The following TAB1 variants were observed in gnomAD, a reference collection of about 807,000 sequenced individuals.
The protein encoded by TAB1 is TGF-beta-activated kinase 1 and MAP3K7-binding protein 1.
In TAB1, 30 loss-of-function variants were observed where a neutral mutation model predicts 54.5. The ratio of observed to expected loss-of-function variants is 0.55; its 90% CI spans 0.41 to 0.75. TAB1 has a LOEUF of 0.75. TAB1 is among the 30% of genes least tolerant of loss of function. The pLI, the probability that TAB1 is intolerant of heterozygous loss-of-function variation, is 0.00. For missense variants in TAB1, 609 were observed against 683.2 expected, an observed-to-expected ratio of 0.89 and a Z score of 1.21; for synonymous variants, 289 against 286.9, an observed-to-expected ratio of 1.01 and a Z score of -0.07.
At chr22:39,405,158 TTG>T (rs549311664) in intron 1 of TAB1, among the ~76,000 whole-genome samples, 2 of 152,140 alleles carry the variant, frequency 1.3e-5, no homozygotes, top group South Asian at 4.1e-4. Flanking sequence ...GCCCAGGACT[TTG>T]AGATGAGTCT....
At chr22:39,425,846 A>G (rs1927307477) in intron 8 of TAB1, among the ~76,000 whole-genome samples, 1 of 151,540 alleles carries the variant, frequency 6.6e-6, no homozygotes, top group Non-Finnish European at 1.5e-5. Flanking sequence ...ACGCCCGGCC[A>G]AATGCTTTTT....
chr22:39,435,304 T>C (rs1927741530), downstream of TAB1, among the ~76,000 whole-genome samples: 1 of 152,176 alleles, frequency 6.6e-6, no homozygotes, highest in Non-Finnish European at 1.5e-5. Flanking sequence ...GGAAGAGCTG[T>C]GTCAATCCTG....
At position 39,426,720 on chromosome 22, in the gene TAB1, T is replaced by G. The variant is rs1927359408; in HGVS notation, c.939T>G (p.Ile313Met). The G allele has an allele frequency of 6.2e-7, 1 of 1,603,292 alleles. No homozygotes were observed. Among genetic ancestry groups the G allele is most frequent in the African/African-American group, 1.3e-5 (1 of 74,752 alleles). Residue 313 changes from isoleucine (I) to methionine (M), a missense_variant, in exon 9 of 11, where the codon ATT (isoleucine) becomes ATG (methionine). Ile to Met is a conservative substitution (Grantham distance 10, BLOSUM62 1). Coordinates refer to ENST00000216160, the MANE Select transcript of TAB1 (RefSeq NM_006116.3). ...GQANQEIAAMIDTEFAKQTSL... is the reference protein window; with the variant it reads ...GQANQEIAAMMDTEFAKQTSL... Reference sequence around the variant, plus strand: ...TCCCCCAGGAGATTGCTGCGATGATTGACACTGAGTTTGCCAAGCAGACCT... The same window carrying G: ...TCCCCCAGGAGATTGCTGCGATGATGGACACTGAGTTTGCCAAGCAGACCT...
At chr22:39,424,812 A>C (rs1372996888) in intron 8 of TAB1, among the ~76,000 whole-genome samples, 1 of 152,098 alleles carries the variant, frequency 6.6e-6, no homozygotes, top group African/African-American at 2.4e-5. Flanking sequence ...TATAACATAG[A>C]GGGACAGGGG....
chr22:39,401,993 G>C (rs993611161), intron 1 of TAB1, among the ~76,000 whole-genome samples: 1 of 152,176 alleles, frequency 6.6e-6, no homozygotes, highest in East Asian at 1.9e-4. Flanking sequence ...AGATCAGCTT[G>C]GGAGGAGCAT....
chr22:39,431,502 A>C lies in TAB1; in HGVS notation c.*1280A>C. On this transcript the variant is annotated 3_prime_UTR_variant, in exon 11 of 11. Transcript: ENST00000216160. ...CCCCCATGCCCCAGACCGGCCCACC[A>C]GGGACTAGCCGCTGTCGCACAGCCT... 1.0e-6 allele frequency: 1 copy of C among 985,558 alleles called. No homozygotes were observed. The highest frequency in any genetic ancestry group is 1.7e-5 in the African/African-American group (1 of 57,352). 61.1% of individuals were successfully genotyped at this position (985,558 alleles called of 1,614,324 possible).
downstream of TAB1, chr22:39,433,754 A>G: frequency 1.0e-6 from 1 of 984,302 alleles, no homozygotes; most frequent in Non-Finnish European, 1.2e-6. Flanking sequence ...GTCTGGAGCG[A>G]CTCCAGGCTG....
intron 1 of TAB1, among the ~76,000 whole-genome samples, chr22:39,406,444 T>G (rs1926369395): frequency 6.6e-6 from 1 of 150,582 alleles, no homozygotes; most frequent in Non-Finnish European, 1.5e-5. Context: ...AAAGATAGTT[T>G]CTTGAAGATG....
At chr22:39,417,497 T>C (rs1260592094) in intron 4 of TAB1, among the ~76,000 whole-genome samples, 1 of 152,004 alleles carries the variant, frequency 6.6e-6, no homozygotes, top group African/African-American at 2.4e-5. Flanking sequence ...GTGGGCGCCT[T>C]GTAGTCCCAG....
intron 1 of TAB1, among the ~76,000 whole-genome samples, chr22:39,409,775 C>A (rs1926531183): frequency 6.6e-6 from 1 of 152,164 alleles, no homozygotes; most frequent in Non-Finnish European, 1.5e-5. Flanking sequence ...GGTGTGTTTT[C>A]TTCCTAGCAC....
At chr22:39,429,542 A>G (rs906074004) in intron 10 of TAB1, 2 of 322,600 alleles carry the variant, frequency 6.2e-6, no homozygotes, top group Non-Finnish European at 8.9e-6. Context: ...CAATGGCAAA[A>G]TCTTGGCCCA....
chr22:39,401,967 C>A (rs1179170153), intron 1 of TAB1, among the ~76,000 whole-genome samples: 2 of 152,204 alleles, frequency 1.3e-5, no homozygotes, highest in East Asian at 3.8e-4. Context: ...GTGGTGCCCA[C>A]CCTCACTGCG....
At chr22:39,433,738 G>A (rs1218911747), downstream of TAB1, 13 of 985,314 alleles carry the variant, frequency 1.3e-5, no homozygotes, top group East Asian at 1.1e-4. Context: ...GGGGGCAGCC[G>A]GGCCTGTCTG....
chr22:39,415,600 G>C lies in TAB1; in HGVS notation c.271G>C (p.Gly91Arg), dbSNP rs979966717. ...GCGGCTGTCCGCAGAGCTCCTGCTG[G>C]GCCAGCTGAATGCCGAGCACGCCGA... ...AQRLSAELLL[G>R]QLNAEHAEAD... is the part of the protein sequence containing the mutation. Residue 91 changes from glycine to arginine, a missense_variant, in exon 3 of 11, where the codon GGC (glycine) becomes CGC (arginine). Coordinates refer to ENST00000216160, the MANE Select transcript of TAB1 (RefSeq NM_006116.3). The surrounding 1 kb of genome is among the most constrained non-coding windows in gnomAD (Gnocchi z 4.9). The C allele has an allele frequency of 6.2e-7, 1 of 1,613,970 alleles. No individual in the cohort carries two copies. The highest frequency in any genetic ancestry group is 8.5e-7 in the Non-Finnish European group (1 of 1,179,992).
intron 5 of TAB1, 39 bp from the exon 6 acceptor site, chr22:39,418,691 CTG>C (rs755175536): frequency 1.4e-6 from 2 of 1,429,754 alleles, no homozygotes; most frequent in Non-Finnish European, 2.0e-6. Flanking sequence ...CTATTTCTCT[CTG>C]TGTGTAGTCT....
chr22:39,408,033 T>G (rs772108715), intron 1 of TAB1, among the ~76,000 whole-genome samples: 5 of 152,172 alleles, frequency 3.3e-5, no homozygotes, highest in Non-Finnish European at 5.9e-5. Flanking sequence ...TTTTCTGGAG[T>G]GTTTTTACCA....
chr22:39,417,279 T>C (rs944573123), intron 4 of TAB1, among the ~76,000 whole-genome samples: 5 of 152,232 alleles, frequency 3.3e-5, no homozygotes, highest in African/African-American at 9.6e-5. Context: ...GGCTGTGCCA[T>C]GGACCATCTG....
Position 39,410,498 on chromosome 22 carries a change from CTT to C in TAB1, c.34-4495_34-4494del, listed in dbSNP as rs34664960. Among the ~76,000 whole-genome samples the C allele has an allele frequency of 1.4e-3, 199 of 145,574 alleles. 1 individual carries two copies. Among genetic ancestry groups the C allele is most frequent in the Middle Eastern group, 0.01 (3 of 286 alleles). ...CTGAGCAGAATTGTTGCCATTTCTA[CTT>C]TTTTTTTTTTTTAATTTAGTTGTGA... On this transcript the variant is annotated intron_variant, in intron 1 of 10. Coordinates refer to ENST00000216160, the MANE Select transcript of TAB1 (RefSeq NM_006116.3).
chr22:39,430,454 C>G lies in TAB1; in HGVS notation c.*232C>G. Reference sequence around the variant, plus strand: ...AAGGCCACTTCCTCCCAGATGGCCTCAGCCAGGACCATCGCCCTTTCTCAG... The same window carrying G: ...AAGGCCACTTCCTCCCAGATGGCCTGAGCCAGGACCATCGCCCTTTCTCAG... On this transcript the variant is annotated 3_prime_UTR_variant, in exon 11 of 11. Transcript: ENST00000216160. 4 of 1,411,884 alleles carry G rather than the reference C, an allele frequency of 2.8e-6. No homozygotes were observed. Among genetic ancestry groups the G allele is most frequent in the Non-Finnish European group, 3.7e-6 (4 of 1,083,390 alleles). 87.5% of individuals were successfully genotyped at this position (1,411,884 alleles called of 1,614,324 possible). A position where few individuals can be genotyped will look rare whatever the true frequency, so the allele number is the denominator to read the frequency against.
Sources: allele counts gnomAD v4.1 joint callset (sites outside exome capture counted in the v4.1 genomes callset), GRCh38; gene constraint gnomAD v4.1.1; non-coding constraint Gnocchi (gnomAD v3.1); transcripts MANE v1.5; gene names NCBI Gene and HGNC (gene_info 2026-07-23, HGNC 2026-07-21).